Variants in CNGB3 observed in about 807,000 individuals in gnomAD.
The protein encoded by CNGB3 is cyclic nucleotide-gated channel beta-3.
In CNGB3, 86 loss-of-function variants were observed where a neutral mutation model predicts 92.8. That is an observed-to-expected ratio of 0.93 (90% CI 0.78 to 1.11). CNGB3 has a LOEUF of 1.11. Among genes scored for constraint, CNGB3 ranks in the 50% least tolerant of loss-of-function variants. The pLI is 0.00. For missense variants in CNGB3, 1,026 were observed against 956.8 expected, an observed-to-expected ratio of 1.07 and a Z score of -0.95; for synonymous variants, 333 against 332.7, an observed-to-expected ratio of 1.00 and a Z score of -0.01.
At chr8:86,738,835 C>A (rs1235899493) in intron 2 of CNGB3, among the ~76,000 whole-genome samples, 1 of 86,146 alleles carries the variant, frequency 1.2e-5, no homozygotes, top group African/African-American at 4.9e-5. Context: ...AGCGAGACTC[C>A]GTCTCAAAAA....
chr8:86,724,421 T>G (rs1825023343), intron 3 of CNGB3, among the ~76,000 whole-genome samples: 1 of 152,148 alleles, frequency 6.6e-6, no homozygotes, highest in African/African-American at 2.4e-5. Context: ...AGAAGCTGTA[T>G]AGTTTTGAAA....
intron 3 of CNGB3, among the ~76,000 whole-genome samples, chr8:86,706,116 T>A (rs16916907): frequency 6.6e-6 from 1 of 152,016 alleles, no homozygotes; most frequent in African/African-American, 2.4e-5. Context: ...TAGTTTATAT[T>A]CTTTAGTGAA....
intron 7 of CNGB3, among the ~76,000 whole-genome samples, chr8:86,648,529 T>A (rs1823335078): frequency 6.6e-6 from 1 of 151,274 alleles, no homozygotes; most frequent in Non-Finnish European, 1.5e-5. Context: ...TTATTATAGC[T>A]AAGAAATTTT....
chr8:86,705,014 G>A (rs1335139735), intron 3 of CNGB3, among the ~76,000 whole-genome samples: 1 of 152,030 alleles, frequency 6.6e-6, no homozygotes, highest in Non-Finnish European at 1.5e-5. Context: ...TGATTGGCAC[G>A]AAAAATTAGC....
In CNGB3 at chr8:86,668,175, A is replaced by G; in HGVS notation, c.494-7T>C. The G allele has an allele frequency of 1.2e-6, 2 of 1,602,124 alleles. No homozygotes were observed. The highest frequency in any genetic ancestry group is 1.7e-6 in the Non-Finnish European group (2 of 1,174,336). On this transcript the variant is annotated splice_polypyrimidine_tract_variant and splice_region_variant and intron_variant, in intron 4 of 17. Coordinates refer to ENST00000320005, the MANE Select transcript of CNGB3 (RefSeq NM_019098.5). ...GGTACAGCCGTGGGCTTTGCTTCAT[A>G]GGGAAAAAAAAAAAGATGAAACATT...
At chr8:86,706,130 T>A (rs1467949938) in intron 3 of CNGB3, among the ~76,000 whole-genome samples, 1 of 152,230 alleles carries the variant, frequency 6.6e-6, no homozygotes, top group Non-Finnish European at 1.5e-5. Context: ...TAGTGAACTT[T>A]TAAAAATTAT....
At chr8:86,652,593 T>C (rs984681324) in intron 7 of CNGB3, among the ~76,000 whole-genome samples, 1 of 152,064 alleles carries the variant, frequency 6.6e-6, no homozygotes, top group Non-Finnish European at 1.5e-5. Flanking sequence ...TTATTTTTAC[T>C]TTTAAGCTTT....
intron 3 of CNGB3, among the ~76,000 whole-genome samples, chr8:86,677,901 A>G (rs1824007222): frequency 6.6e-6 from 1 of 152,188 alleles, no homozygotes; most frequent in African/African-American, 2.4e-5. Context: ...TTCTCTAAAT[A>G]GTATTTTGAA....
In CNGB3 at chr8:86,628,994, A is replaced by G; in HGVS notation, c.1405T>C (p.Tyr469His). The G allele has an allele frequency of 6.2e-7, 1 of 1,614,036 alleles. No homozygotes were observed. Among genetic ancestry groups the G allele is most frequent in the Non-Finnish European group, 8.5e-7 (1 of 1,179,952 alleles). The change falls in exon 12 of 18, where the codon TAC (tyrosine) becomes CAC (histidine). Residue 469 changes from tyrosine (Y) to histidine (H), a missense_variant. Transcript: ENST00000320005. ...TTTTGCACAAGTTTAGGAATGGAGT[A>G]ATTGTTCATGTAGGCAATGGTGTCA... ...MDDTIAYMNNYSIPKLVQKRV... is the reference protein window; with the variant it reads ...MDDTIAYMNNHSIPKLVQKRV...
intron 15 of CNGB3, among the ~76,000 whole-genome samples, chr8:86,586,337 AAT>A (rs780585283): frequency 5.2e-3 from 125 of 24,156 alleles, no homozygotes; most frequent in South Asian, 0.017. Context: ...TTTTTTTTTA[AAT>A]TTTTTTTTAA....
At chr8:86,702,782 T>C (rs918253531) in intron 3 of CNGB3, among the ~76,000 whole-genome samples, 13 of 152,022 alleles carry the variant, frequency 8.6e-5, no homozygotes, top group African/African-American at 3.1e-4. Flanking sequence ...TGGAGTCATA[T>C]TCTTTTTTAA....
At chr8:86,683,744 T>C (rs866193306) in intron 3 of CNGB3, among the ~76,000 whole-genome samples, 3 of 152,228 alleles carry the variant, frequency 2.0e-5, no homozygotes, top group Middle Eastern at 6.8e-3. Flanking sequence ...GGAGAAAAGA[T>C]AGCCTTTTCA....
chr8:86,609,813 T>C (rs944638452), intron 14 of CNGB3, among the ~76,000 whole-genome samples: 1 of 152,054 alleles, frequency 6.6e-6, no homozygotes, highest in African/African-American at 2.4e-5. Flanking sequence ...TGGCTCCAAG[T>C]CTTCATAAAA....
At chr8:86,589,456 G>C (rs1338548672) in intron 15 of CNGB3, among the ~76,000 whole-genome samples, 1 of 151,298 alleles carries the variant, frequency 6.6e-6, no homozygotes, top group Admixed American at 6.6e-5. Flanking sequence ...GATCTTTCCT[G>C]CTTTCTCTTG....
intron 12 of CNGB3, among the ~76,000 whole-genome samples, chr8:86,627,179 A>G (rs1357923572): frequency 2.6e-5 from 4 of 152,170 alleles, no homozygotes; most frequent in Non-Finnish European, 5.9e-5. Context: ...ATTCAAATAT[A>G]GATTCTAAAT....
intron 3 of CNGB3, among the ~76,000 whole-genome samples, chr8:86,688,289 C>T (rs751087280): frequency 3.4e-4 from 52 of 151,994 alleles, no homozygotes; most frequent in African/African-American, 5.3e-4. Flanking sequence ...TAAAACTACA[C>T]GGCACAAATC....
intron 3 of CNGB3, among the ~76,000 whole-genome samples, chr8:86,684,084 C>T (rs144644152): frequency 2.0e-5 from 3 of 152,144 alleles, no homozygotes; most frequent in African/African-American, 7.2e-5. Context: ...AGAAAATATT[C>T]ACAGACTACC....
chr8:86,602,827 C>G (rs1215457656), intron 15 of CNGB3, among the ~76,000 whole-genome samples: 6 of 152,164 alleles, frequency 3.9e-5, no homozygotes, highest in Non-Finnish European at 7.3e-5. Flanking sequence ...GTGTGTCATT[C>G]TTTTGCCTAA....
At chr8:86,579,396 G>A in intron 15 of CNGB3, 144 bp from the exon 16 acceptor site, 1 of 957,700 alleles carries the variant, frequency 1.0e-6, no homozygotes, top group Non-Finnish European at 1.6e-6. Flanking sequence ...ATTGTGCAGA[G>A]AGTGTCAAGA....
Sources: gnomAD v4.1 joint callset for allele counts (sites outside exome capture counted in the v4.1 genomes callset) on GRCh38, gnomAD v4.1.1 for gene constraint, MANE v1.5 for transcripts, NCBI Gene and HGNC (gene_info 2026-07-23, HGNC 2026-07-21) for gene names.